Variants in ADCYAP1R1 observed in about 807,000 individuals in gnomAD.
ADCYAP1R1 encodes pituitary adenylate cyclase-activating polypeptide type I receptor.
Under a neutral mutation model 67.6 loss-of-function variants are expected in ADCYAP1R1, and 44 were observed. The observed-to-expected ratio is 0.65, with a 90% CI of 0.51 to 0.84. The LOEUF (loss-of-function observed/expected upper bound fraction) is 0.84. Among genes scored for constraint, ADCYAP1R1 ranks in the 40% least tolerant of loss-of-function variants. The pLI is 0.00. For missense variants in ADCYAP1R1, 477 were observed against 587.9 expected (o/e 0.81, Z 1.95); for synonymous variants, 222 against 219.6 (o/e 1.01, Z -0.10).
In ADCYAP1R1 at chr7:31,086,439, T is replaced by C; in HGVS notation, c.725T>C (p.Phe242Ser). 6.2e-7 allele frequency: 1 copy of C among 1,614,242 alleles called. No homozygotes were observed. The highest frequency in any genetic ancestry group is 8.5e-7 in the Non-Finnish European group (1 of 1,180,040). ...CACTACTGTGTTGTGTCCAACTACT[T>C]CTGGCTGTTCATCGAGGGCCTGTAC... ...FFHYCVVSNY[F>S]WLFIEGLYLF... Residue 242 changes from phenylalanine (F) to serine (S), a missense_variant, in exon 10 of 16, where the codon TTC becomes TCC. Physicochemically the swap from Phe to Ser is radical, Grantham distance 155. Transcript: ENST00000304166. The surrounding 1 kb of genome is among the most constrained non-coding windows in gnomAD (Gnocchi z 5.0).
rs180712929 is a variant in ADCYAP1R1 at position 31,078,211 on chromosome 7, C to T, written c.265+113C>T. 1.4e-4 allele frequency: 103 copies of T among 740,082 alleles called. No homozygotes were observed. In the East Asian group the frequency reaches 2.5e-3, roughly 18 times the overall value. The allele number at this position is 740,082 out of a possible 1,614,324, so 45.8% of individuals were successfully genotyped here. Reference sequence around the variant, plus strand: ...ACCCTGTGGGCAGACAGTCCCTGCTCCTGAGCTCACATGTGGTGTGGGGGA... The same window carrying T: ...ACCCTGTGGGCAGACAGTCCCTGCTTCTGAGCTCACATGTGGTGTGGGGGA... On this transcript the variant is annotated intron_variant, in intron 4 of 15. Coordinates refer to ENST00000304166, the MANE Select transcript of ADCYAP1R1 (RefSeq NM_001118.5).
intron 14 of ADCYAP1R1, 87 bp downstream of exon 14, chr7:31,103,453 C>T: frequency 6.3e-7 from 1 of 1,578,562 alleles, no homozygotes; most frequent in Non-Finnish European, 8.6e-7. Context: ...CCTCTTTAAT[C>T]TTGACTGTAA....
rs576179982 is a variant in ADCYAP1R1, at chr7:31,110,572, A to C, written c.*3888A>C. On this transcript the variant is annotated 3_prime_UTR_variant, in exon 16 of 16. Transcript: ENST00000304166. ...CAATTTATGCATAGCCCTGCACATG[A>C]GCAGAATGTGACACTCAAAGCATCC... is the stretch of plus-strand genomic sequence containing the variant. 1 of 152,578 alleles carries C rather than the reference A, an allele frequency of 6.6e-6. No individual in the cohort carries two copies. Among genetic ancestry groups the C allele is most frequent in the South Asian group, 2.1e-4 (1 of 4,826 alleles). 9.5% of individuals were successfully genotyped at this position (152,578 alleles called of 1,614,324 possible). A position where few individuals can be genotyped will look rare whatever the true frequency, so the allele number is the denominator to read the frequency against.
chr7:31,089,667 T>C (rs966438306), intron 12 of ADCYAP1R1, among the ~76,000 whole-genome samples: 2 of 152,226 alleles, frequency 1.3e-5, no homozygotes, highest in Admixed American at 6.5e-5. Context: ...AACATTTTCA[T>C]GCAGATCAGA....
In ADCYAP1R1 at chr7:31,106,612, G is replaced by C; in HGVS notation, c.1335G>C (p.Gln445His). ...GCAGTGGGGTGAATGGGGGCACCCA[G>C]CTCTCCATCCTGAGCAAGAGCAGCT... is the stretch of plus-strand genomic sequence containing the variant. ...LASSGVNGGT[Q>H]LSILSKSSSQ... Residue 445 changes from glutamine to histidine, a missense_variant, in exon 16 of 16, where the codon CAG (glutamine) becomes CAC (histidine). Gln to His is a conservative substitution (Grantham distance 24, BLOSUM62 0). Transcript: ENST00000304166. 6.2e-7 allele frequency: 1 copy of C among 1,613,974 alleles called. No homozygotes were observed. Among genetic ancestry groups the C allele is most frequent in the Non-Finnish European group, 8.5e-7 (1 of 1,179,886 alleles).
rs977553833 is a variant in ADCYAP1R1, at chr7:31,106,553, G to A, written c.1276G>A (p.Val426Met). 1.2e-6 allele frequency: 2 copies of A among 1,613,964 alleles called. No homozygotes were observed. Among genetic ancestry groups the A allele is most frequent in the Middle Eastern group, 3.3e-4 (2 of 6,060 alleles). Reference protein sequence around the residue: ...RSWKVNRYFAVDFKHRHPSLA... With the variant: ...RSWKVNRYFAMDFKHRHPSLA... ...CTGGAAGGTGAACCGTTACTTCGCT[G>A]TGGACTTCAAGCACCGACACCCGTC... The change falls in exon 16 of 16, where the codon GTG becomes ATG. Residue 426 changes from valine (V) to methionine (M), a missense_variant. Val to Met is a conservative substitution (Grantham distance 21). Transcript: ENST00000304166.
chr7:31,108,746 A>ATGTG lies in ADCYAP1R1; in HGVS notation c.*2094_*2097dup, dbSNP rs3076597. ...CCTCATATCAGGTTTTGATGAATATATGTGTGTGTGTGTGTGTGTGTGTGT... is the reference window on the plus strand; with the variant it reads ...CCTCATATCAGGTTTTGATGAATATATGTGTGTGTGTGTGTGTGTGTGTGTGTGT... On this transcript the variant is annotated 3_prime_UTR_variant, in exon 16 of 16. Transcript: ENST00000304166. 14,812 of 148,010 alleles carry ATGTG rather than the reference A, an allele frequency of 0.1. 795 individuals are homozygous for ATGTG. The highest frequency in any genetic ancestry group is 0.13 in the African/African-American group (5,405 of 40,182). The allele number at this position is 148,010 out of a possible 1,614,324, so 9.2% of individuals were successfully genotyped here. A position where few individuals can be genotyped will look rare whatever the true frequency, so the allele number is the denominator to read the frequency against.
At chr7:31,065,328 G>A (rs989028860) in intron 3 of ADCYAP1R1, among the ~76,000 whole-genome samples, 3 of 152,178 alleles carry the variant, frequency 2.0e-5, no homozygotes, top group Admixed American at 6.5e-5. Flanking sequence ...GGCAGGAAAC[G>A]TGGGGTCCTT....
intron 2 of ADCYAP1R1, among the ~76,000 whole-genome samples, chr7:31,063,903 T>C (rs938716244): frequency 6.6e-5 from 10 of 152,358 alleles, no homozygotes; most frequent in African/African-American, 2.2e-4. Flanking sequence ...CTGTGAATAG[T>C]AGGGATTGGA....
chr7:31,061,929 G>A (rs748481003), intron 1 of ADCYAP1R1, among the ~76,000 whole-genome samples: 20 of 152,296 alleles, frequency 1.3e-4, no homozygotes, highest in Non-Finnish European at 2.8e-4. Context: ...TGGGTTAGCA[G>A]TGCCCTGATA....
At chr7:31,085,542 A>G (rs1040550638) in intron 9 of ADCYAP1R1, 100 bp downstream of exon 9, 24 of 1,363,080 alleles carry the variant, frequency 1.8e-5, no homozygotes, top group South Asian at 1.6e-4. Flanking sequence ...CACCCTGCAG[A>G]TCAAGTGTGT....
At chr7:31,058,971 T>C (rs940256382) in intron 1 of ADCYAP1R1, among the ~76,000 whole-genome samples, 1 of 152,232 alleles carries the variant, frequency 6.6e-6, no homozygotes, top group African/African-American at 2.4e-5. Context: ...TCAGGCAGGT[T>C]AAATGAGTTA....
intron 3 of ADCYAP1R1, among the ~76,000 whole-genome samples, chr7:31,076,981 G>A (rs1432324806): frequency 6.6e-6 from 1 of 152,198 alleles, no homozygotes. Context: ...CACCTGTGAT[G>A]TTGTGCAGCT....
At chr7:31,079,708 A>G (rs1323203571) in intron 4 of ADCYAP1R1, among the ~76,000 whole-genome samples, 1 of 152,132 alleles carries the variant, frequency 6.6e-6, no homozygotes, top group Non-Finnish European at 1.5e-5. Context: ...TCCCACCCCA[A>G]GGTTTGTCTA....
chr7:31,105,784 C>T (rs1796617471), intron 15 of ADCYAP1R1, among the ~76,000 whole-genome samples: 1 of 152,150 alleles, frequency 6.6e-6, no homozygotes, highest in East Asian at 1.9e-4. Context: ...ATGTATGTAG[C>T]TTGTTCAGAG....
intron 3 of ADCYAP1R1, among the ~76,000 whole-genome samples, chr7:31,071,899 A>G (rs1794996853): frequency 6.6e-6 from 1 of 151,898 alleles, no homozygotes; most frequent in Non-Finnish European, 1.5e-5. Flanking sequence ...TTGCTTTCCA[A>G]CTTGCCTAAT....
intron 6 of ADCYAP1R1, among the ~76,000 whole-genome samples, chr7:31,083,538 C>T (rs935782853): frequency 2.0e-5 from 3 of 152,208 alleles, no homozygotes; most frequent in African/African-American, 7.2e-5. Flanking sequence ...AAATATATAT[C>T]TTCGTAAGAT....
intron 3 of ADCYAP1R1, among the ~76,000 whole-genome samples, chr7:31,070,669 G>A (rs138189955): frequency 1.5e-4 from 23 of 152,332 alleles, no homozygotes; most frequent in Non-Finnish European, 2.5e-4. Flanking sequence ...TCATGCTGAG[G>A]AACTTATTCG....
At position 31,084,187 on chromosome 7, in the gene ADCYAP1R1, A is replaced by C; in HGVS notation, c.375A>C (p.Glu125Asp). ...SRNCTEDGWS[E>D]PFPHYFDACG... ...ACTGCACGGAGGATGGCTGGTCGGA[A>C]CCCTTCCCTCATTACTTTGATGCCT... The change falls in exon 7 of 16, where the codon GAA (glutamate) becomes GAC (aspartate). Residue 125 changes from glutamate to aspartate, a missense_variant. Glu to Asp is a conservative substitution (Grantham distance 45). Transcript: ENST00000304166. 4 of 1,614,094 alleles carry C rather than the reference A, an allele frequency of 2.5e-6. No homozygotes were observed. Among genetic ancestry groups the C allele is most frequent in the Non-Finnish European group, 3.4e-6 (4 of 1,180,018 alleles).
Sources: allele counts gnomAD v4.1 joint callset (sites outside exome capture counted in the v4.1 genomes callset), GRCh38; gene constraint gnomAD v4.1.1; non-coding constraint Gnocchi (gnomAD v3.1); transcripts MANE v1.5; gene names NCBI Gene and HGNC (gene_info 2026-07-23, HGNC 2026-07-21).